Variants in FHIT observed in about 807,000 individuals in gnomAD.
The protein encoded by FHIT is bis(5'-adenosyl)-triphosphatase.
A neutral mutation model predicts 17.9 loss-of-function variants in FHIT; 19 were observed. That is an observed-to-expected ratio of 1.06 (90% CI 0.74 to 1.56). The LOEUF (loss-of-function observed/expected upper bound fraction) is 1.56, where lower values mean the gene tolerates loss of function less well. FHIT is among the 40% of genes most tolerant of loss of function. The pLI is 0.00. For synonymous variants in FHIT, 81 were observed against 69.7 expected, an observed-to-expected ratio of 1.16 and a Z score of -0.81; for missense variants, 248 against 189.2, an observed-to-expected ratio of 1.31 and a Z score of -1.82.
chr3:60,763,102 C>T (rs1016111384), intron 4 of FHIT, among the ~76,000 whole-genome samples: 1 of 151,956 alleles, frequency 6.6e-6, no homozygotes. Flanking sequence ...TGTCTGTGAC[C>T]CTCAGCTTCC....
At chr3:59,759,116 G>A (rs576240503) in intron 8 of FHIT, among the ~76,000 whole-genome samples, 2 of 152,022 alleles carry the variant, frequency 1.3e-5, no homozygotes, top group African/African-American at 4.8e-5. Context: ...GGGCAGGAAG[G>A]AATATTTCAA....
intron 5 of FHIT, among the ~76,000 whole-genome samples, chr3:60,432,476 T>C (rs1180105523): frequency 6.6e-6 from 1 of 152,068 alleles, no homozygotes; most frequent in African/African-American, 2.4e-5. Context: ...AAAAACTGAG[T>C]GTATAGTGAA....
chr3:60,351,545 G>A (rs573020584), intron 5 of FHIT, among the ~76,000 whole-genome samples: 1 of 152,304 alleles, frequency 6.6e-6, no homozygotes, highest in South Asian at 2.1e-4. Flanking sequence ...GTTATTACCT[G>A]TAATACTTCT....
chr3:60,493,097 C>T (rs185999869), intron 5 of FHIT, among the ~76,000 whole-genome samples: 22 of 151,954 alleles, frequency 1.4e-4, no homozygotes, highest in Non-Finnish European at 2.1e-4. Flanking sequence ...TCTTACTTGT[C>T]GAGAAAAGGG....
chr3:60,713,478 T>C (rs1435849297), intron 4 of FHIT, among the ~76,000 whole-genome samples: 1 of 148,770 alleles, frequency 6.7e-6, no homozygotes, highest in East Asian at 2.0e-4. Context: ...AAAAAATTAA[T>C]GAATCCAGGA....
chr3:60,677,980 TC>T (rs2040662046), intron 4 of FHIT, among the ~76,000 whole-genome samples: 1 of 152,176 alleles, frequency 6.6e-6, no homozygotes, highest in Non-Finnish European at 1.5e-5. Flanking sequence ...TCTCTGATCA[TC>T]TTTTGTATTC....
chr3:59,906,474 G>A (rs916073164), intron 8 of FHIT, among the ~76,000 whole-genome samples: 2 of 152,184 alleles, frequency 1.3e-5, no homozygotes, highest in Admixed American at 1.3e-4. Context: ...CAGAACCACA[G>A]CATGTAGACC....
At chr3:59,853,327 G>C (rs1409712431) in intron 8 of FHIT, among the ~76,000 whole-genome samples, 1 of 152,142 alleles carries the variant, frequency 6.6e-6, no homozygotes. Flanking sequence ...AAAGAATGTA[G>C]ATATTTCAAA....
chr3:60,491,908 A>C (rs918093410), intron 5 of FHIT, among the ~76,000 whole-genome samples: 10 of 152,182 alleles, frequency 6.6e-5, no homozygotes, highest in Non-Finnish European at 1.3e-4. Flanking sequence ...AGAATATGAA[A>C]AGTTTGCTTA....
chr3:60,507,579 G>A (rs978076726), intron 5 of FHIT, among the ~76,000 whole-genome samples: 6 of 152,126 alleles, frequency 3.9e-5, no homozygotes, highest in Non-Finnish European at 1.5e-5. Flanking sequence ...AGGTAAACTC[G>A]TGTCATGGCG....
intron 4 of FHIT, among the ~76,000 whole-genome samples, chr3:60,699,378 T>TATA (rs1447060965): frequency 6.6e-6 from 1 of 152,212 alleles, no homozygotes; most frequent in Non-Finnish European, 1.5e-5. Context: ...CCCTCTACTG[T>TATA]ATAATACTGA....
intron 2 of FHIT, among the ~76,000 whole-genome samples, chr3:61,186,504 G>A (rs1461272089): frequency 6.6e-6 from 1 of 152,202 alleles, no homozygotes; most frequent in Non-Finnish European, 1.5e-5. Flanking sequence ...GCCATAGCTG[G>A]CTGGATATGC....
chr3:59,794,540 C>T (rs565314312), intron 8 of FHIT, among the ~76,000 whole-genome samples: 29 of 152,154 alleles, frequency 1.9e-4, no homozygotes, highest in Non-Finnish European at 4.0e-4. Context: ...CCTGTGCAGG[C>T]GCTTTATATG....
chr3:60,591,598 C>A (rs2038086183), intron 4 of FHIT, among the ~76,000 whole-genome samples: 1 of 151,974 alleles, frequency 6.6e-6, no homozygotes, highest in Admixed American at 6.6e-5. Context: ...ATTCAAAATC[C>A]AGGTACATTC....
At chr3:59,904,439 G>T (rs678205) in intron 8 of FHIT, among the ~76,000 whole-genome samples, 2 of 152,120 alleles carry the variant, frequency 1.3e-5, no homozygotes, top group African/African-American at 4.8e-5. Context: ...ACAGATTGGA[G>T]AAAGTATTTG....
At chr3:60,010,829 C>G (rs1359721391) in intron 7 of FHIT, among the ~76,000 whole-genome samples, 1 of 151,942 alleles carries the variant, frequency 6.6e-6, no homozygotes, top group African/African-American at 2.4e-5. Flanking sequence ...TAGGTTTGAA[C>G]TTTGGTATTA....
At chr3:61,162,977 A>T (rs970949870) in intron 2 of FHIT, among the ~76,000 whole-genome samples, 2 of 152,208 alleles carry the variant, frequency 1.3e-5, no homozygotes, top group African/African-American at 4.8e-5. Flanking sequence ...TTATATCAGT[A>T]TGAGAGTCAT....
At chr3:60,607,280 A>G (rs1427384109) in intron 4 of FHIT, among the ~76,000 whole-genome samples, 15 of 152,102 alleles carry the variant, frequency 9.9e-5, no homozygotes, top group Admixed American at 5.2e-4. Context: ...GAAGCTTTGA[A>G]TTGCCGATGA....
intron 5 of FHIT, among the ~76,000 whole-genome samples, chr3:60,511,360 CACAG>C (rs1235947668): frequency 1.3e-5 from 2 of 152,132 alleles, no homozygotes; most frequent in African/African-American, 2.4e-5. Context: ...TCTCCTTCTA[CACAG>C]ACAAACATCG....
Sources: allele counts gnomAD v4.1 joint callset (sites outside exome capture counted in the v4.1 genomes callset), GRCh38; gene constraint gnomAD v4.1.1; transcripts MANE v1.5; gene names NCBI Gene and HGNC (gene_info 2026-07-23, HGNC 2026-07-21).